The following EYS variants were observed in gnomAD, a reference collection of about 807,000 sequenced individuals.
EYS encodes the protein EGF-like photoreceptor maintenance factor.
In EYS, 250 loss-of-function variants were observed where a neutral mutation model predicts 282.1. The observed-to-expected ratio is 0.89, with a 90% CI of 0.80 to 0.98. EYS has a LOEUF of 0.98. Among genes scored for constraint, EYS ranks in the 50% least tolerant of loss-of-function variants. EYS has a pLI of 0.00. For missense variants in EYS, 4,016 were observed against 3,709.0 expected (o/e 1.08, Z -2.15); for synonymous variants, 1,355 against 1,282.9 (o/e 1.06, Z -1.20).
rs550044926 is a variant in EYS at position 65,044,306 on chromosome 6, G to A, written c.2137+13308C>T. Among the ~76,000 whole-genome samples, 500 of 151,478 alleles carry A rather than the reference G, an allele frequency of 3.3e-3. 7 individuals carry two copies. Among genetic ancestry groups the A allele is most frequent in the African/African-American group, 0.011 (471 of 41,392 alleles). On this transcript the variant is annotated intron_variant, in intron 13 of 42. Coordinates refer to ENST00000503581, the MANE Select transcript of EYS (RefSeq NM_001142800.2). ...GATATTAATTCCTTATCATATGTACGGTTTGAAAATAATGTTTTCCTTTCT... is the reference window on the plus strand; with the variant it reads ...GATATTAATTCCTTATCATATGTACAGTTTGAAAATAATGTTTTCCTTTCT...
At chr6:64,368,131 T>C (rs1342160476) in intron 29 of EYS, among the ~76,000 whole-genome samples, 1 of 152,054 alleles carries the variant, frequency 6.6e-6, no homozygotes, top group Non-Finnish European at 1.5e-5. Flanking sequence ...GTGTCTGTTG[T>C]TCTCGTCTGC....
chr6:63,747,094 A>G (rs1016662090), intron 41 of EYS, among the ~76,000 whole-genome samples: 6 of 152,202 alleles, frequency 3.9e-5, no homozygotes, highest in Non-Finnish European at 8.8e-5. Flanking sequence ...CCCTCTAAAC[A>G]CTGCTTTAGC....
At chr6:65,091,595 T>C (rs1209676984) in intron 12 of EYS, among the ~76,000 whole-genome samples, 2 of 152,166 alleles carry the variant, frequency 1.3e-5, no homozygotes, top group Non-Finnish European at 2.9e-5. Context: ...ATCAATTTTA[T>C]GGTTTGTTAA....
intron 33 of EYS, among the ~76,000 whole-genome samples, chr6:64,023,904 G>GA (rs1470777815): frequency 1.3e-5 from 2 of 152,360 alleles, no homozygotes; most frequent in African/African-American, 4.8e-5. Context: ...CCAGGGCACC[G>GA]AGGGGCTTAG....
At chr6:63,866,452 C>G (rs1323418605) in intron 35 of EYS, among the ~76,000 whole-genome samples, 3 of 152,156 alleles carry the variant, frequency 2.0e-5, no homozygotes, top group Admixed American at 2.0e-4. Flanking sequence ...ATGTGAAAGT[C>G]AAACTAATCT....
intron 31 of EYS, among the ~76,000 whole-genome samples, chr6:64,109,804 A>G (rs1293869839): frequency 6.6e-6 from 1 of 152,150 alleles, no homozygotes; most frequent in African/African-American, 2.4e-5. Flanking sequence ...GTCTCATTCA[A>G]TAAAACTCTT....
chr6:64,449,492 G>C (rs2150475796), intron 26 of EYS, among the ~76,000 whole-genome samples: 1 of 152,154 alleles, frequency 6.6e-6, no homozygotes, highest in Middle Eastern at 3.4e-3. Context: ...TTCAAATTCA[G>C]GAAATACAGA....
At chr6:64,275,084 G>C (rs2150359107) in intron 30 of EYS, among the ~76,000 whole-genome samples, 1 of 152,184 alleles carries the variant, frequency 6.6e-6, no homozygotes, top group Middle Eastern at 3.4e-3. Context: ...ATTGGTGACT[G>C]GTAATGGGAT....
chr6:64,446,581 T>C (rs1414213036), intron 26 of EYS, among the ~76,000 whole-genome samples: 1 of 152,042 alleles, frequency 6.6e-6, no homozygotes, highest in African/African-American at 2.4e-5. Context: ...TTGTTTTGGT[T>C]AGCAGATCAT....
At chr6:65,531,652 C>T (rs991039738) in intron 2 of EYS, among the ~76,000 whole-genome samples, 13 of 152,116 alleles carry the variant, frequency 8.5e-5, no homozygotes, top group Non-Finnish European at 1.8e-4. Context: ...GAATCTATTT[C>T]CTCTTCATTT....
intron 31 of EYS, among the ~76,000 whole-genome samples, chr6:64,140,479 C>A (rs2150287689): frequency 6.6e-6 from 1 of 152,282 alleles, no homozygotes; most frequent in East Asian, 1.9e-4. Context: ...CCTCTCATCC[C>A]AAGGAGGTGG....
rs557725342 is a variant in EYS, at chr6:64,952,746, A to T, written c.2260-6832T>A. Among the ~76,000 whole-genome samples the T allele has an allele frequency of 1.2e-3, 175 of 152,164 alleles. 1 individual carries two copies. Among genetic ancestry groups the T allele is most frequent in the African/African-American group, 4.2e-3 (173 of 41,580 alleles). On this transcript the variant is annotated intron_variant, in intron 14 of 42. Transcript: ENST00000503581. ...ATGATACATTTAAAGCATGTTAGTT[A>T]CTTATGTACATATAAGCTGTATTCT...
chr6:63,736,464 G>A (rs540709018), intron 41 of EYS, among the ~76,000 whole-genome samples: 2 of 151,998 alleles, frequency 1.3e-5, no homozygotes, highest in African/African-American at 4.8e-5. Flanking sequence ...TTTGGTACCA[G>A]TACCATGCTG....
intron 12 of EYS, among the ~76,000 whole-genome samples, chr6:65,276,112 T>C (rs1384204072): frequency 6.6e-6 from 1 of 152,088 alleles, no homozygotes; most frequent in Non-Finnish European, 1.5e-5. Flanking sequence ...AGATGACTGG[T>C]TTGATAAAAC....
chr6:63,787,561 G>C (rs1340868425), intron 39 of EYS, among the ~76,000 whole-genome samples: 1 of 152,078 alleles, frequency 6.6e-6, no homozygotes, highest in East Asian at 1.9e-4. Context: ...ATTACATTTA[G>C]TGTTTATCTC....
At position 65,352,043 on chromosome 6, in the gene EYS, G is replaced by C. The variant is rs182409043; in HGVS notation, c.1459+1415C>G. ...ACAGAGTCTCTGAAAGTTCCTTTTA[G>C]CATCAACATAGTATAATCAACAATG... On this transcript the variant is annotated intron_variant, in intron 9 of 42. Transcript: ENST00000503581. Among the ~76,000 whole-genome samples the C allele has an allele frequency of 1.8e-4, 27 of 151,826 alleles. No homozygotes were observed. The East Asian group carries it at 2.3e-3, about 13-fold the overall frequency.
chr6:63,804,532 AT>A (rs1770856170), intron 37 of EYS, among the ~76,000 whole-genome samples: 1 of 152,160 alleles, frequency 6.6e-6, no homozygotes, highest in Non-Finnish European at 1.5e-5. Flanking sequence ...TATGATAGCT[AT>A]TTCCTGTCAA....
At chr6:64,598,236 G>A (rs984709385) in intron 24 of EYS, among the ~76,000 whole-genome samples, 9 of 152,178 alleles carry the variant, frequency 5.9e-5, no homozygotes, top group Non-Finnish European at 8.8e-5. Context: ...CCAGGTGGGC[G>A]GATCACAAGG....
At chr6:65,208,956 T>A (rs1352480192) in intron 12 of EYS, among the ~76,000 whole-genome samples, 1 of 151,940 alleles carries the variant, frequency 6.6e-6, no homozygotes, top group Non-Finnish European at 1.5e-5. Context: ...GTAAGATATA[T>A]TACTCATAAT....
Sources: gnomAD v4.1 joint callset for allele counts (sites outside exome capture counted in the v4.1 genomes callset) on GRCh38, gnomAD v4.1.1 for gene constraint, MANE v1.5 for transcripts, NCBI Gene and HGNC (gene_info 2026-07-23, HGNC 2026-07-21) for gene names.